SPATA16: variants seen among roughly 807,000 people sequenced by gnomAD.
SPATA16 encodes the protein spermatogenesis associated 16.
Under a neutral mutation model 63.3 loss-of-function variants are expected in SPATA16, and 36 were observed. That is an observed-to-expected ratio of 0.57 (90% CI 0.44 to 0.75). SPATA16 has a LOEUF of 0.75. Among genes scored for constraint, SPATA16 ranks in the 30% least tolerant of loss-of-function variants. SPATA16 has a pLI of 0.00. For missense variants in SPATA16, 646 were observed against 679.3 expected (o/e 0.95, Z 0.54); for synonymous variants, 203 against 216.7 (o/e 0.94, Z 0.56).
intron 5 of SPATA16, among the ~76,000 whole-genome samples, chr3:172,968,623 CCTTT>C (rs1379452047): frequency 2.0e-5 from 3 of 152,106 alleles, no homozygotes; most frequent in Non-Finnish European, 4.4e-5. Flanking sequence ...CCCTTTCTTC[CCTTT>C]CTTTCTAATG....
chr3:173,092,567 G>A (rs950767843), intron 2 of SPATA16, among the ~76,000 whole-genome samples: 1 of 152,156 alleles, frequency 6.6e-6, no homozygotes, highest in Non-Finnish European at 1.5e-5. Flanking sequence ...TGGCTTTGAA[G>A]ACGGAGGAAG....
At chr3:172,941,798 CATA>C (rs1185526661) in intron 6 of SPATA16, among the ~76,000 whole-genome samples, 1 of 151,686 alleles carries the variant, frequency 6.6e-6, no homozygotes, top group African/African-American at 2.4e-5. Flanking sequence ...CATTTATGAC[CATA>C]ATAATTAATT....
chr3:172,894,304 C>T lies in SPATA16; in HGVS notation c.1588-4612G>A, dbSNP rs116315159. 9.4e-3 allele frequency among the ~76,000 whole-genome samples: 1,433 copies of T among 152,080 alleles called. 14 individuals carry two copies. The highest frequency in any genetic ancestry group is 0.031 in the Middle Eastern group (9 of 294). ...CTAAAATAAACTTAAGTTTCTGAAACGGAGTTGTTTCTACTATTCATAATA... is the reference window on the plus strand; with the variant it reads ...CTAAAATAAACTTAAGTTTCTGAAATGGAGTTGTTTCTACTATTCATAATA... On this transcript the variant is annotated intron_variant, in intron 10 of 10. Coordinates refer to ENST00000351008, the MANE Select transcript of SPATA16 (RefSeq NM_031955.6).
chr3:172,985,537 A>T (rs1395380056), intron 4 of SPATA16, among the ~76,000 whole-genome samples: 1 of 152,226 alleles, frequency 6.6e-6, no homozygotes, highest in African/African-American at 2.4e-5. Context: ...TTATATCCAC[A>T]AAGAACCTTG....
At position 173,115,455 on chromosome 3, in the gene SPATA16, C is replaced by T. The variant is rs961233072; in HGVS notation, c.612+1665G>A. Reference sequence around the variant, plus strand: ...CTTTCATTAGCATTCTTTTCCTAGACGAAGGCTGCAGAGCTTTAGCTCAAA... The same window carrying T: ...CTTTCATTAGCATTCTTTTCCTAGATGAAGGCTGCAGAGCTTTAGCTCAAA... On this transcript the variant is annotated intron_variant, in intron 2 of 10. Transcript: ENST00000351008. Among the ~76,000 whole-genome samples the T allele has an allele frequency of 7.2e-5, 11 of 152,142 alleles. 1 individual carries two copies. Among genetic ancestry groups the T allele is most frequent in the Admixed American group, 3.3e-4 (5 of 15,278 alleles).
intron 1 of SPATA16, among the ~76,000 whole-genome samples, chr3:173,121,287 A>G (rs560529059): frequency 4.6e-5 from 7 of 152,200 alleles, no homozygotes; most frequent in African/African-American, 1.7e-4. Context: ...AAAATTATAA[A>G]ACTCTATTTA....
At chr3:173,087,837 G>A (rs535493359) in intron 2 of SPATA16, among the ~76,000 whole-genome samples, 1 of 152,142 alleles carries the variant, frequency 6.6e-6, no homozygotes, top group Non-Finnish European at 1.5e-5. Flanking sequence ...CTTTAAGAAT[G>A]TTGAATATTG....
At chr3:172,952,938 C>CAAA (rs60404306) in intron 6 of SPATA16, among the ~76,000 whole-genome samples, 34 of 77,934 alleles carry the variant, frequency 4.4e-4, no homozygotes, top group East Asian at 7.2e-4. Flanking sequence ...GACTCCATCT[C>CAAA]AAAAAAAAAA....
Position 172,974,164 on chromosome 3 carries a change from T to A in SPATA16, c.933+2804A>T, listed in dbSNP as rs182727944. Among the ~76,000 whole-genome samples, 429 of 152,260 alleles carry A rather than the reference T, an allele frequency of 2.8e-3. 2 individuals are homozygous for A. Among genetic ancestry groups the A allele is most frequent in the African/African-American group, 9.5e-3 (394 of 41,544 alleles). ...CATCTGAGAGTTTGTAAGTCAACCA[T>A]GTATAAGAGTAAATATAGACGTGTT... On this transcript the variant is annotated intron_variant, in intron 5 of 10. Transcript: ENST00000351008.
chr3:173,097,666 C>T (rs1245452588), intron 2 of SPATA16, among the ~76,000 whole-genome samples: 12 of 152,120 alleles, frequency 7.9e-5, no homozygotes, highest in Admixed American at 7.9e-4. Context: ...ATGAATGACA[C>T]CAAGCCATTT....
chr3:173,136,904 A>G (rs1738559921), intron 1 of SPATA16, among the ~76,000 whole-genome samples: 1 of 152,178 alleles, frequency 6.6e-6, no homozygotes, highest in African/African-American at 2.4e-5. Context: ...GTAGACGAAT[A>G]AGCTTTCCCT....
intron 6 of SPATA16, among the ~76,000 whole-genome samples, chr3:172,937,556 C>G (rs944120765): frequency 2.3e-4 from 35 of 152,132 alleles, no homozygotes; most frequent in African/African-American, 8.2e-4. Context: ...CACTAGCACC[C>G]AAAGTCTCTC....
At chr3:173,060,738 G>A (rs903929607) in intron 2 of SPATA16, among the ~76,000 whole-genome samples, 1 of 152,060 alleles carries the variant, frequency 6.6e-6, no homozygotes, top group Non-Finnish European at 1.5e-5. Context: ...TTAAATAGAA[G>A]GTTCTCTGTA....
At chr3:173,059,207 C>A (rs1267688158) in intron 2 of SPATA16, among the ~76,000 whole-genome samples, 2 of 150,924 alleles carry the variant, frequency 1.3e-5, no homozygotes, top group African/African-American at 4.9e-5. Context: ...AAACAACAAA[C>A]TCTTAGATTA....
At chr3:173,106,836 G>A (rs1040544065) in intron 2 of SPATA16, among the ~76,000 whole-genome samples, 87 of 151,774 alleles carry the variant, frequency 5.7e-4, no homozygotes, top group African/African-American at 2.0e-3. Context: ...TTTATGTTTC[G>A]AGGTTCATTC....
chr3:172,898,738 T>G (rs1732062044), intron 10 of SPATA16, among the ~76,000 whole-genome samples: 1 of 151,748 alleles, frequency 6.6e-6, no homozygotes, highest in African/African-American at 2.4e-5. Flanking sequence ...CTTATTGTTT[T>G]CTTCCTTCTG....
At chr3:172,916,962 A>G (rs968629) in intron 8 of SPATA16, among the ~76,000 whole-genome samples, 71,474 of 152,180 alleles carry the variant, frequency 0.47, 19,448 homozygotes, top group South Asian at 0.67. Flanking sequence ...CCAATAGCTT[A>G]CATGAAACCT....
chr3:173,101,107 C>T (rs73177041), intron 2 of SPATA16, among the ~76,000 whole-genome samples: 69 of 152,230 alleles, frequency 4.5e-4, no homozygotes, highest in South Asian at 3.7e-3. Flanking sequence ...AGACTCCTTT[C>T]TTTTTTTCCT....
chr3:172,952,424 C>A (rs1263645085), intron 6 of SPATA16, among the ~76,000 whole-genome samples: 2 of 152,068 alleles, frequency 1.3e-5, no homozygotes, highest in African/African-American at 4.8e-5. Context: ...CATGGACATT[C>A]AGGAATCTAC....
Sources: gnomAD v4.1 joint callset for allele counts (sites outside exome capture counted in the v4.1 genomes callset) on GRCh38, gnomAD v4.1.1 for gene constraint, MANE v1.5 for transcripts, NCBI Gene and HGNC (gene_info 2026-07-23, HGNC 2026-07-21) for gene names.